CCHCR1: variants seen among roughly 807,000 people sequenced by gnomAD.
CCHCR1 encodes the protein coiled-coil alpha-helical rod protein 1.
CCHCR1 carries 91 observed loss-of-function variants against 114.6 expected under a neutral mutation model. The observed-to-expected ratio is 0.79, with a 90% CI of 0.67 to 0.94. The LOEUF is 0.94. CCHCR1 is among the 40% of genes least tolerant of loss of function. CCHCR1 has a pLI of 0.00. For synonymous variants in CCHCR1, 379 were observed against 428.5 expected (o/e 0.88, Z 1.43); for missense variants, 899 against 1,079.9 (o/e 0.83, Z 2.35).
At chr6:31,156,486 C>A in intron 3 of CCHCR1, 1 of 526,808 alleles carries the variant, frequency 1.9e-6, no homozygotes, top group Non-Finnish European at 3.3e-6. Flanking sequence ...TCTATCTCCC[C>A]TCTTAGGATT....
At chr6:31,156,640 A>C in intron 3 of CCHCR1, 91 bp downstream of exon 3, 6 of 1,111,568 alleles carry the variant, frequency 5.4e-6, no homozygotes, top group Non-Finnish European at 8.0e-6. Flanking sequence ...ACGTTCTGGA[A>C]ACTAGGGCCG....
At position 31,150,591 on chromosome 6, in the gene CCHCR1, C is replaced by A; in HGVS notation, c.1102-26G>T. On this transcript the variant is annotated intron_variant, in intron 6 of 17. Coordinates refer to ENST00000396268, the MANE Select transcript of CCHCR1 (RefSeq NM_001105564.2). This position sits in a 1 kb window ranked among gnomAD's most constrained non-coding sequence, Gnocchi z 5.3. ...CTGCGGGCAGAGGAAAGCAGCCCCT[C>A]TGTAGGGCCTCCATGCCGCCTTAGG... The A allele has an allele frequency of 6.2e-7, 1 of 1,600,898 alleles. No homozygotes were observed. Among genetic ancestry groups the A allele is most frequent in the Non-Finnish European group, 8.5e-7 (1 of 1,171,896 alleles).
chr6:31,145,865 G>T, intron 10 of CCHCR1, 57 bp from the exon 11 acceptor site: 1 of 1,059,200 alleles, frequency 9.4e-7, no homozygotes, highest in Non-Finnish European at 1.5e-6. Context: ...CAAAGGACTT[G>T]CTGTGCCTTG....
At position 31,143,309 on chromosome 6, in the gene CCHCR1, G is replaced by A; in HGVS notation, c.2272C>T (p.Leu758=). ...EEARKEEGQR[L]ARRLQELERD... ...TCTAGCTCCTGCAAGCGCCGGGCCA[G>A]TCGCTGCCCCTCCTCCTTCCGGGCC... The change falls in exon 16 of 18, where the codon CTG becomes TTG. Residue 758 remains leucine (L), a synonymous_variant. Transcript: ENST00000396268. The surrounding 1 kb of genome is among the most constrained non-coding windows in gnomAD (Gnocchi z 5.3). The A allele has an allele frequency of 1.2e-6, 2 of 1,612,782 alleles. No homozygotes were observed. Among genetic ancestry groups the A allele is most frequent in the Non-Finnish European group, 1.7e-6 (2 of 1,179,934 alleles).
At position 31,150,072 on chromosome 6, in the gene CCHCR1, C is replaced by T. The variant is rs547136280; in HGVS notation, c.1356G>A (p.Lys452=). 1.5e-5 allele frequency: 25 copies of T among 1,614,188 alleles called. No homozygotes were observed. In the South Asian group the frequency reaches 2.4e-4, roughly 16 times the overall value. Residue 452 remains lysine (K), a synonymous_variant, in exon 8 of 18, where the codon AAG becomes AAA. Transcript: ENST00000396268. The surrounding 1 kb of genome is among the most constrained non-coding windows in gnomAD (Gnocchi z 5.3). ...GAAAAGAGAGTGCAGTGACCTGTCC[C>T]TTCAGCTGCTTAACAGAGTCACTGT... ...LEHSDSVKQL[K]GQVASLQEKV... is the part of the protein sequence containing the mutation.
At chr6:31,147,414 A>G (rs1261700043) in intron 10 of CCHCR1, among the ~76,000 whole-genome samples, 5 of 127,424 alleles carry the variant, frequency 3.9e-5, no homozygotes, top group Admixed American at 7.8e-5. Flanking sequence ...AAAAAAAAAA[A>G]AAAAAAAAGA....
In CCHCR1 at chr6:31,150,740, A is replaced by G; in HGVS notation, c.1086T>C (p.Leu362=). ...GCACCCTCACCTGCATGGTTTCCAG[A>G]AGCTTCTGTCGCTCCAGTTCCCATG... is the stretch of plus-strand genomic sequence containing the variant. ...SQTWELERQK[L]LETMQHLQED... is the part of the protein sequence containing the mutation. Residue 362 remains leucine (L), a synonymous_variant, in exon 6 of 18, where the codon CTT becomes CTC. Coordinates refer to ENST00000396268, the MANE Select transcript of CCHCR1 (RefSeq NM_001105564.2). This position sits in a 1 kb window ranked among gnomAD's most constrained non-coding sequence, Gnocchi z 5.3. 6.2e-7 allele frequency: 1 copy of G among 1,612,764 alleles called. No individual in the cohort carries two copies. The highest frequency in any genetic ancestry group is 1.1e-5 in the South Asian group (1 of 91,072).
At position 31,151,104 on chromosome 6, in the gene CCHCR1, C is replaced by A. The variant is rs761298370; in HGVS notation, c.820G>T (p.Ala274Ser). ...HQEQLSSLTQ[A>S]HEEALSSLTS... ...AAACTGGAAAGAGCCTCCTCGTGAG[C>A]CTGTGTCAAAGAGGACAGCTGCGGA... The change falls in exon 5 of 18, where the codon GCT becomes TCT. Residue 274 changes from alanine to serine, a missense_variant. Physicochemically the swap from Ala to Ser is moderately conservative, Grantham distance 99 (BLOSUM62 1). Transcript: ENST00000396268. This position sits in a 1 kb window ranked among gnomAD's most constrained non-coding sequence, Gnocchi z 4.1. 1 of 1,612,818 alleles carries A rather than the reference C, an allele frequency of 6.2e-7. No individual in the cohort carries two copies. The highest frequency in any genetic ancestry group is 1.1e-5 in the South Asian group (1 of 91,062).
chr6:31,144,646 C>T lies in CCHCR1; in HGVS notation c.2167+41G>A. 1 of 1,284,030 alleles carries T rather than the reference C, an allele frequency of 7.8e-7. No homozygotes were observed. Among genetic ancestry groups the T allele is most frequent in the East Asian group, 2.3e-5 (1 of 42,982 alleles). The allele number at this position is 1,284,030 out of a possible 1,614,324, so 79.5% of individuals were successfully genotyped here. ...ATAATAACCTTATGTCTTAACACTT[C>T]CTTCTTCCTGGAAGGCCCTATCCAC... On this transcript the variant is annotated intron_variant, in intron 15 of 17. Coordinates refer to ENST00000396268, the MANE Select transcript of CCHCR1 (RefSeq NM_001105564.2). This position sits in a 1 kb window ranked among gnomAD's most constrained non-coding sequence, Gnocchi z 4.6.
At position 31,157,031 on chromosome 6, in the gene CCHCR1, G is replaced by A. The variant is rs753234344; in HGVS notation, c.275C>T (p.Pro92Leu). 5 of 1,612,262 alleles carry A rather than the reference G, an allele frequency of 3.1e-6. No individual in the cohort carries two copies. The South Asian group carries it at 5.5e-5, about 18-fold the overall frequency. The change falls in exon 2 of 18, where the codon CCA becomes CTA. Residue 92 changes from proline (P) to leucine (L), a missense_variant. Physicochemically the swap from Pro to Leu is moderately conservative, Grantham distance 98. Transcript: ENST00000396268. ...TGTCTGGTCCCACTGACCTGAAGGT[G>A]GAAACATCTCCACATTATTTGAAGG... ...LEPSNNVEMFPPSGSTGLIPP... is the reference protein window; with the variant it reads ...LEPSNNVEMFLPSGSTGLIPP...
chr6:31,143,067 G>A lies in CCHCR1; in HGVS notation c.2387C>T (p.Ser796Phe). 1 of 1,613,000 alleles carries A rather than the reference G, an allele frequency of 6.2e-7. No individual in the cohort carries two copies. Among genetic ancestry groups the A allele is most frequent in the Non-Finnish European group, 8.5e-7 (1 of 1,179,960 alleles). ...KQQRLLTVLP[S>F]LLDKKKSVVS... is the part of the protein sequence containing the mutation. Reference sequence around the variant, plus strand: ...CACAGATTTCTTCTTATCCAGTAGGGAAGGAAGAACTGTCAACAGTCGCTG... The same window carrying A: ...CACAGATTTCTTCTTATCCAGTAGGAAAGGAAGAACTGTCAACAGTCGCTG... The change falls in exon 17 of 18, where the codon TCC becomes TTC. Residue 796 changes from serine (S) to phenylalanine (F), a missense_variant. Physicochemically the swap from Ser to Phe is radical, Grantham distance 155. Transcript: ENST00000396268. The surrounding 1 kb of genome is among the most constrained non-coding windows in gnomAD (Gnocchi z 5.3).
At chr6:31,148,854 C>T (rs878929789) in intron 8 of CCHCR1, 126 bp from the exon 9 acceptor site, 20 of 53,200 alleles carry the variant, frequency 3.8e-4, no homozygotes, top group Admixed American at 9.2e-4. Flanking sequence ...GGAGGGGGGG[C>T]GGGCGACGGG....
In CCHCR1 at chr6:31,143,199, C is replaced by T; in HGVS notation, c.2319+63G>A. The T allele has an allele frequency of 1.2e-6, 2 of 1,610,406 alleles. No individual in the cohort carries two copies. The highest frequency in any genetic ancestry group is 1.7e-5 in the Admixed American group (1 of 59,946). On this transcript the variant is annotated intron_variant, in intron 16 of 17. Coordinates refer to ENST00000396268, the MANE Select transcript of CCHCR1 (RefSeq NM_001105564.2). The surrounding 1 kb of genome is among the most constrained non-coding windows in gnomAD (Gnocchi z 5.3). ...CCCTCACCATCCTCTTTCCACACCT[C>T]TAGCCCAGGAACCAGCCCAGGATGG... is the stretch of plus-strand genomic sequence containing the variant.
At position 31,142,652 on chromosome 6, in the gene CCHCR1, A is replaced by T. The variant is rs780790518; in HGVS notation, c.2556T>A (p.Ala852=). 6.2e-7 allele frequency: 1 copy of T among 1,613,420 alleles called. No homozygotes were observed. The highest frequency in any genetic ancestry group is 8.5e-7 in the Non-Finnish European group (1 of 1,179,958). The change falls in exon 18 of 18, where the codon GCT becomes GCA. Residue 852 remains alanine, a synonymous_variant. Coordinates refer to ENST00000396268, the MANE Select transcript of CCHCR1 (RefSeq NM_001105564.2). The part of the protein sequence containing the change: ...DLSEAISKEE[A]VCQGDNLDRC... ...TGTCAAGGTTGTCTCCTTGACAAAC[A>T]GCTTCCTCTTTGGAAATGGCTTCAC...
In CCHCR1 at chr6:31,144,724, C is replaced by T. The variant is rs771716672; in HGVS notation, c.2130G>A (p.Arg710=). 2 of 1,613,582 alleles carry T rather than the reference C, an allele frequency of 1.2e-6. No homozygotes were observed. Among genetic ancestry groups the T allele is most frequent in the East Asian group, 4.5e-5 (2 of 44,856 alleles). Residue 710 remains arginine, a synonymous_variant, in exon 15 of 18, where the codon AGG becomes AGA. Coordinates refer to ENST00000396268, the MANE Select transcript of CCHCR1 (RefSeq NM_001105564.2). The surrounding 1 kb of genome is among the most constrained non-coding windows in gnomAD (Gnocchi z 4.6). Reference sequence around the variant, plus strand: ...GCTCCCTCCGAGCCTCGTTCAGCCTCCTCTCTGTGTCTGAGAGTTGCTCCC... The same window carrying T: ...GCTCCCTCCGAGCCTCGTTCAGCCTTCTCTCTGTGTCTGAGAGTTGCTCCC... ...RLREQLSDTE[R]RLNEARREHA...
Position 31,151,520 on chromosome 6 carries a change from C to T in CCHCR1, c.802-398G>A, listed in dbSNP as rs1775223006. ...CTACCTCCTGAGCTCACCCTGGAGG[C>T]TCTCCCACTGCTCCCCGCTCCGGCC... On this transcript the variant is annotated intron_variant, in intron 4 of 17. Transcript: ENST00000396268. The surrounding 1 kb of genome is among the most constrained non-coding windows in gnomAD (Gnocchi z 4.1). 6.6e-6 allele frequency among the ~76,000 whole-genome samples: 1 copy of T among 152,214 alleles called. No individual in the cohort carries two copies. Among genetic ancestry groups the T allele is most frequent in the African/African-American group, 2.4e-5 (1 of 41,458 alleles).
chr6:31,157,792 T>A lies in CCHCR1; in HGVS notation c.-192A>T. 1 of 590,244 alleles carries A rather than the reference T, an allele frequency of 1.7e-6. No homozygotes were observed. The highest frequency in any genetic ancestry group is 3.0e-6 in the Non-Finnish European group (1 of 333,480). The allele number at this position is 590,244 out of a possible 1,614,324, so 36.6% of individuals were successfully genotyped here. On this transcript the variant is annotated 5_prime_UTR_variant, in exon 1 of 18. Transcript: ENST00000396268. ...GAGTCCTAACACATAGTGGGCACTT[T>A]AAGATCTTCCTCCCACCCTCCCACC...
Position 31,154,860 on chromosome 6 carries a change from C to A in CCHCR1, c.498-61G>T. On this transcript the variant is annotated intron_variant, in intron 3 of 17. Transcript: ENST00000396268. This position sits in a 1 kb window ranked among gnomAD's most constrained non-coding sequence, Gnocchi z 4.1. ...CCAGTGCTGGAAGGATAGTTGAGGG[C>A]ATAAACATAGCCAGGAGAAGGAAAA... 6.9e-7 allele frequency: 1 copy of A among 1,450,326 alleles called. No homozygotes were observed. The highest frequency in any genetic ancestry group is 9.2e-7 in the Non-Finnish European group (1 of 1,083,652). The allele number at this position is 1,450,326 out of a possible 1,614,324, so 89.8% of individuals were successfully genotyped here. A position where few individuals can be genotyped will look rare whatever the true frequency, so the allele number is the denominator to read the frequency against.
rs370152877 is a variant in CCHCR1, at chr6:31,151,903, G to A, written c.802-781C>T. On this transcript the variant is annotated intron_variant, in intron 4 of 17. Coordinates refer to ENST00000396268, the MANE Select transcript of CCHCR1 (RefSeq NM_001105564.2). The surrounding 1 kb of genome is among the most constrained non-coding windows in gnomAD (Gnocchi z 4.1). ...CCTGCTTCCTGGTCTGCCTCCTCTA[G>A]CCCTGTCTCCATACAACAATAAAAT... Among the ~76,000 whole-genome samples the A allele has an allele frequency of 1.9e-3, 289 of 152,200 alleles. No homozygotes were observed. The highest frequency in any genetic ancestry group is 6.6e-3 in the African/African-American group (272 of 41,520).
Sources: gnomAD v4.1 joint callset for allele counts (sites outside exome capture counted in the v4.1 genomes callset) on GRCh38, gnomAD v4.1.1 for gene constraint, Gnocchi (gnomAD v3.1) non-coding constraint, MANE v1.5 for transcripts, NCBI Gene and HGNC (gene_info 2026-07-23, HGNC 2026-07-21) for gene names.